The following METTL15 variants were observed in gnomAD, a reference collection of about 807,000 sequenced individuals.
The protein encoded by METTL15 is 12S rRNA N(4)-cytidine methyltransferase METTL15.
In METTL15, 34 loss-of-function variants were observed where a neutral mutation model predicts 38.3. That is an observed-to-expected ratio of 0.89 (90% CI 0.68 to 1.18). METTL15 has a LOEUF of 1.18. Among genes scored for constraint, METTL15 ranks in the 50% most tolerant of loss-of-function variants. The pLI is 0.00. For synonymous variants in METTL15, 162 were observed against 170.9 expected, an observed-to-expected ratio of 0.95 and a Z score of 0.41; for missense variants, 438 against 498.4, an observed-to-expected ratio of 0.88 and a Z score of 1.15.
intron 3 of METTL15, among the ~76,000 whole-genome samples, chr11:28,194,718 T>C (rs1851846182): frequency 6.6e-6 from 1 of 152,072 alleles, no homozygotes; most frequent in South Asian, 2.1e-4. Flanking sequence ...TCACTAGCTT[T>C]AGGGGTACAA....
At chr11:28,159,457 A>C (rs1009257285) in intron 3 of METTL15, among the ~76,000 whole-genome samples, 5 of 152,036 alleles carry the variant, frequency 3.3e-5, no homozygotes, top group African/African-American at 1.2e-4. Flanking sequence ...GAAAAAAAAA[A>C]AAACACAACC....
intron 4 of METTL15, among the ~76,000 whole-genome samples, chr11:28,361,641 A>G (rs1467232538): frequency 1.3e-5 from 2 of 152,082 alleles, no homozygotes; most frequent in Non-Finnish European, 2.9e-5. Flanking sequence ...CCTTTTAATC[A>G]CATAATTCTT....
At chr11:28,232,384 A>G (rs1167606395) in intron 4 of METTL15, among the ~76,000 whole-genome samples, 2 of 151,848 alleles carry the variant, frequency 1.3e-5, no homozygotes, top group Non-Finnish European at 2.9e-5. Flanking sequence ...TAGATACTCT[A>G]TATTATAAAT....
chr11:28,463,222 A>G (rs1382744679), intron 6 of METTL15, among the ~76,000 whole-genome samples: 3 of 152,194 alleles, frequency 2.0e-5, no homozygotes, highest in Admixed American at 6.5e-5. Context: ...TATTAAACAT[A>G]TGGTAATCCA....
chr11:28,144,696 T>G (rs1292737430), intron 3 of METTL15, among the ~76,000 whole-genome samples: 1 of 152,118 alleles, frequency 6.6e-6, no homozygotes, highest in Non-Finnish European at 1.5e-5. Context: ...TTGTAGTGGT[T>G]TTTAGGAAAC....
chr11:28,174,916 T>C (rs543252777), intron 3 of METTL15, among the ~76,000 whole-genome samples: 2 of 149,298 alleles, frequency 1.3e-5, no homozygotes, highest in East Asian at 3.9e-4. Context: ...TTTGGAATTC[T>C]TTTTTTTTAA....
At chr11:28,506,736 CTTTTTTTTTTTTTTTTTT>C (rs71449180) in intron 6 of METTL15, among the ~76,000 whole-genome samples, 4 of 111,624 alleles carry the variant, frequency 3.6e-5, no homozygotes, top group African/African-American at 1.5e-4. Flanking sequence ...ATCTCAGTCT[CTTTTTTTTTTTTTTTTTT>C]TTTTTTTTGA....
chr11:28,264,946 A>C (rs1196580736), intron 4 of METTL15, among the ~76,000 whole-genome samples: 3 of 152,086 alleles, frequency 2.0e-5, no homozygotes, highest in Non-Finnish European at 4.4e-5. Flanking sequence ...TTTTTTATTA[A>C]TCTAAGAATT....
intron 6 of METTL15, among the ~76,000 whole-genome samples, chr11:28,457,290 C>T (rs559315966): frequency 3.9e-5 from 6 of 152,224 alleles, no homozygotes; most frequent in Admixed American, 3.9e-4. Flanking sequence ...AGATTTCATC[C>T]TTATGTTTGT....
At chr11:28,130,354 T>C (rs572793634) in intron 3 of METTL15, among the ~76,000 whole-genome samples, 1 of 152,142 alleles carries the variant, frequency 6.6e-6, no homozygotes, top group South Asian at 2.1e-4. Context: ...CAGCCTTGCG[T>C]AGGGTGATAT....
At chr11:28,416,335 CTG>C (rs1361540358) in intron 5 of METTL15, among the ~76,000 whole-genome samples, 1 of 149,708 alleles carries the variant, frequency 6.7e-6, no homozygotes, top group Non-Finnish European at 1.5e-5. Flanking sequence ...GTGGGACACT[CTG>C]AGAAAAATGG....
chr11:28,374,716 G>A (rs1850286276), intron 5 of METTL15, among the ~76,000 whole-genome samples: 1 of 151,374 alleles, frequency 6.6e-6, no homozygotes, highest in East Asian at 1.9e-4. Flanking sequence ...AATAGGAGTG[G>A]TGAGAGAGGG....
intron 6 of METTL15, among the ~76,000 whole-genome samples, chr11:28,433,170 T>G (rs896055183): frequency 8.7e-6 from 1 of 114,388 alleles, no homozygotes; most frequent in Non-Finnish European, 2.2e-5. Flanking sequence ...TTTGTTTTTT[T>G]TGTTTTTTTT....
intron 3 of METTL15, among the ~76,000 whole-genome samples, chr11:28,131,966 A>T (rs1457406485): frequency 1.3e-5 from 2 of 152,162 alleles, no homozygotes; most frequent in East Asian, 1.9e-4. Flanking sequence ...TAGAGTGATT[A>T]AAAAAATGAT....
chr11:28,497,047 A>G (rs910616723), intron 6 of METTL15, among the ~76,000 whole-genome samples: 1 of 152,228 alleles, frequency 6.6e-6, no homozygotes, highest in Admixed American at 6.5e-5. Flanking sequence ...TCTGCCCTTC[A>G]GGATTTTGTA....
At chr11:28,370,194 T>G (rs1850228269) in intron 5 of METTL15, among the ~76,000 whole-genome samples, 1 of 152,034 alleles carries the variant, frequency 6.6e-6, no homozygotes, top group Non-Finnish European at 1.5e-5. Flanking sequence ...TACCCATTAA[T>G]CAACCACACT....
intron 6 of METTL15, among the ~76,000 whole-genome samples, chr11:28,479,098 TG>T (rs1851373463): frequency 6.6e-6 from 1 of 150,828 alleles, no homozygotes; most frequent in African/African-American, 2.4e-5. Context: ...TGTGTGTGTT[TG>T]CTTTTGTAAT....
intron 4 of METTL15, among the ~76,000 whole-genome samples, chr11:28,222,951 C>T (rs557787644): frequency 2.6e-5 from 4 of 151,950 alleles, no homozygotes; most frequent in Non-Finnish European, 5.9e-5. Context: ...AAAGATGCTC[C>T]AATTCAGTAG....
chr11:28,398,227 TAA>T (rs1315945336), intron 5 of METTL15, among the ~76,000 whole-genome samples: 1 of 151,776 alleles, frequency 6.6e-6, no homozygotes, highest in Non-Finnish European at 1.5e-5. Flanking sequence ...ATTAGAAAAA[TAA>T]AAAAATTCAA....
Sources: gnomAD v4.1 joint callset for allele counts (sites outside exome capture counted in the v4.1 genomes callset) on GRCh38, gnomAD v4.1.1 for gene constraint, MANE v1.5 for transcripts, NCBI Gene and HGNC (gene_info 2026-07-23, HGNC 2026-07-21) for gene names.